TXNDC11: variants seen among roughly 807,000 people sequenced by gnomAD.
The protein encoded by TXNDC11 is thioredoxin domain containing 11.
Under a neutral mutation model 78.0 loss-of-function variants are expected in TXNDC11, and 68 were observed. That is an observed-to-expected ratio of 0.87 (90% CI 0.72 to 1.07). The LOEUF (loss-of-function observed/expected upper bound fraction) is 1.07. Ranked by LOEUF, TXNDC11 falls within the 50% of genes least tolerant of loss-of-function variation. TXNDC11 has a pLI of 0.00. For missense variants in TXNDC11, 1,389 were observed against 1,221.8 expected (o/e 1.14, Z -2.04); for synonymous variants, 571 against 495.2 (o/e 1.15, Z -2.03).
chr16:11,713,444 T>C (rs779527717), intron 5 of TXNDC11, among the ~76,000 whole-genome samples: 4 of 152,136 alleles, frequency 2.6e-5, no homozygotes, highest in Non-Finnish European at 4.4e-5. Flanking sequence ...GAGACAGAGT[T>C]TTGCTCTTGT....
At chr16:11,685,368 G>A (rs554873396) in intron 10 of TXNDC11, among the ~76,000 whole-genome samples, 1 of 151,312 alleles carries the variant, frequency 6.6e-6, no homozygotes, top group African/African-American at 2.4e-5. Flanking sequence ...CAACAACGCC[G>A]GGCGTGGTGG....
At chr16:11,694,051 G>A (rs77604638) in intron 7 of TXNDC11, among the ~76,000 whole-genome samples, 1,458 of 145,234 alleles carry the variant, frequency 0.01, 24 homozygotes, top group African/African-American at 0.036. Flanking sequence ...AAGCAGCCAC[G>A]TAAAGAATAT....
intron 1 of TXNDC11, among the ~76,000 whole-genome samples, chr16:11,738,343 T>G (rs1255672865): frequency 1.3e-5 from 2 of 152,196 alleles, no homozygotes; most frequent in Admixed American, 1.3e-4. Flanking sequence ...CCTGAAAAAA[T>G]CACTTACACA....
At chr16:11,731,536 TG>T (rs1013980368) in intron 3 of TXNDC11, among the ~76,000 whole-genome samples, 2 of 152,142 alleles carry the variant, frequency 1.3e-5, no homozygotes, top group Non-Finnish European at 2.9e-5. Context: ...TGGCAAGGGT[TG>T]GGGGGTTATG....
At chr16:11,691,154 TG>T in intron 8 of TXNDC11, 135 bp downstream of exon 8, 1 of 680,064 alleles carries the variant, frequency 1.5e-6, no homozygotes, top group Non-Finnish European at 2.5e-6. Context: ...TGACTGATGG[TG>T]GTCTAAAGAC....
intron 7 of TXNDC11, among the ~76,000 whole-genome samples, chr16:11,694,236 G>A (rs11645098): frequency 0.46 from 69,276 of 150,510 alleles, 16,248 homozygotes; most frequent in Non-Finnish European, 0.5. Context: ...TAGCCTCCCA[G>A]GTAGCTGGGA....
chr16:11,741,764 G>T (rs928242569), intron 1 of TXNDC11: 2 of 152,244 alleles, frequency 1.3e-5, no homozygotes, highest in Non-Finnish European at 2.9e-5. Flanking sequence ...CCGGGTGCGG[G>T]GCTCTCGCCT....
In TXNDC11 at chr16:11,684,220, G is replaced by A. The variant is rs770363527; in HGVS notation, c.2179C>T (p.Pro727Ser). 1.2e-6 allele frequency: 2 copies of A among 1,613,612 alleles called. No individual in the cohort carries two copies. The highest frequency in any genetic ancestry group is 2.2e-5 in the East Asian group (1 of 44,886). Reference protein sequence around the residue: ...ARIDVSQNDLPWEFMVDRLPT... With the variant: ...ARIDVSQNDLSWEFMVDRLPT... ...AGACGATCGACCATAAATTCCCAAG[G>A]AAGGTCATTCTGAGACACGTCAATC... Residue 727 changes from proline to serine, a missense_variant, in exon 11 of 12, where the codon CCT becomes TCT. Transcript: ENST00000283033.
At position 11,691,350 on chromosome 16, in the gene TXNDC11, C is replaced by G. The variant is rs543014678; in HGVS notation, c.1840G>C (p.Val614Leu). Residue 614 changes from valine to leucine, a missense_variant, in exon 8 of 12, where the codon GTG becomes CTG. By Grantham distance (32) the Val-to-Leu change is conservative. Transcript: ENST00000283033. ...AAGATGTAATGAGATTCTTCTTTCA[C>G]GTCAACAATTGCCGCAAATTCTTTC... Reference protein sequence around the residue: ...QVKEFAAIVDVKEESHYILDP... With the variant: ...QVKEFAAIVDLKEESHYILDP... 2.0e-4 allele frequency: 325 copies of G among 1,614,198 alleles called. 4 individuals carry two copies. In the South Asian group the frequency reaches 3.0e-3, roughly 15 times the overall value.
chr16:11,723,423 GAAAAT>G (rs2141094120), intron 4 of TXNDC11, among the ~76,000 whole-genome samples: 1 of 151,764 alleles, frequency 6.6e-6, no homozygotes, highest in South Asian at 2.1e-4. Context: ...TGTCTCTACT[GAAAAT>G]AAAAAAATTA....
intron 4 of TXNDC11, among the ~76,000 whole-genome samples, 196 bp from the exon 5 acceptor site, chr16:11,721,866 G>A (rs114957401): frequency 4.1e-4 from 63 of 152,286 alleles, no homozygotes; most frequent in African/African-American, 1.5e-3. Context: ...AACAAACAGG[G>A]TAAGGGATGG....
At chr16:11,695,658 C>T (rs1184968111) in intron 7 of TXNDC11, among the ~76,000 whole-genome samples, 4 of 152,138 alleles carry the variant, frequency 2.6e-5, no homozygotes, top group African/African-American at 4.8e-5. Context: ...CTTACTACTT[C>T]GCAGTTTTCT....
intron 5 of TXNDC11, among the ~76,000 whole-genome samples, chr16:11,702,593 C>G (rs1336799532): frequency 6.6e-6 from 1 of 152,136 alleles, no homozygotes; most frequent in Non-Finnish European, 1.5e-5. Context: ...TCACTTGAAC[C>G]CAGGAGGCAG....
intron 1 of TXNDC11, among the ~76,000 whole-genome samples, chr16:11,737,407 T>C (rs2052256329): frequency 6.7e-6 from 1 of 150,098 alleles, no homozygotes; most frequent in South Asian, 2.1e-4. Context: ...ATTGCACCAT[T>C]GCACTCCAGC....
intron 8 of TXNDC11, among the ~76,000 whole-genome samples, chr16:11,688,858 T>C (rs1597409764): frequency 6.6e-6 from 1 of 152,328 alleles, no homozygotes; most frequent in African/African-American, 2.4e-5. Flanking sequence ...TAGTGTGGAA[T>C]GTGTTTAAAT....
intron 5 of TXNDC11, among the ~76,000 whole-genome samples, chr16:11,703,109 A>T (rs1055503304): frequency 6.6e-6 from 1 of 152,194 alleles, no homozygotes; most frequent in African/African-American, 2.4e-5. Context: ...ACAATTAGTT[A>T]AAACCAAGCG....
chr16:11,716,534 T>C (rs531619112), intron 5 of TXNDC11, among the ~76,000 whole-genome samples: 219 of 152,238 alleles, frequency 1.4e-3, no homozygotes, highest in African/African-American at 4.9e-3. Flanking sequence ...TATACAAAGA[T>C]TGCCAGCCCA....
intron 1 of TXNDC11, among the ~76,000 whole-genome samples, chr16:11,738,164 T>G (rs1385947465): frequency 1.3e-5 from 2 of 152,220 alleles, no homozygotes; most frequent in Non-Finnish European, 2.9e-5. Flanking sequence ...TCAAAATGAT[T>G]ATGCTGAGTG....
At chr16:11,699,591 A>C (rs2050953448) in intron 6 of TXNDC11, among the ~76,000 whole-genome samples, 1 of 152,278 alleles carries the variant, frequency 6.6e-6, no homozygotes, top group Admixed American at 6.5e-5. Context: ...CAAGAAGTAA[A>C]GCACAGCATC....
Sources: gnomAD v4.1 joint callset for allele counts (sites outside exome capture counted in the v4.1 genomes callset) on GRCh38, gnomAD v4.1.1 for gene constraint, MANE v1.5 for transcripts, NCBI Gene and HGNC (gene_info 2026-07-23, HGNC 2026-07-21) for gene names.